Variants in ASIC2 observed in about 807,000 individuals in gnomAD.
ASIC2 encodes the protein acid sensing ion channel subunit 2, also known as acid-sensing ion channel 2.
A neutral mutation model predicts 57.3 loss-of-function variants in ASIC2; 25 were observed. The ratio of observed to expected loss-of-function variants is 0.44; its 90% confidence interval spans 0.32 to 0.61. ASIC2 has a LOEUF of 0.61. Ranked by LOEUF, ASIC2 falls within the 20% of genes least tolerant of loss-of-function variation. The pLI is 0.06. For missense variants in ASIC2, 641 were observed against 738.1 expected (o/e 0.87, Z 1.52); for synonymous variants, 319 against 307.5 (o/e 1.04, Z -0.39).
intron 1 of ASIC2, among the ~76,000 whole-genome samples, chr17:33,269,681 TCCCTCCTG>T (rs1398227292): frequency 3.1e-5 from 2 of 64,752 alleles, no homozygotes; most frequent in African/African-American, 1.0e-4. Flanking sequence ...CTTCCCTCCC[TCCCTCCTG>T]CCTGCCTGCC....
At chr17:33,623,826 G>C (rs190111774) in intron 1 of ASIC2, among the ~76,000 whole-genome samples, 1 of 152,050 alleles carries the variant, frequency 6.6e-6, no homozygotes, top group Non-Finnish European at 1.5e-5. Flanking sequence ...CAATCCTAGA[G>C]AGATAGTCCA....
At chr17:33,152,769 G>C (rs1209185873) in intron 1 of ASIC2, among the ~76,000 whole-genome samples, 2 of 152,186 alleles carry the variant, frequency 1.3e-5, no homozygotes, top group African/African-American at 4.8e-5. Context: ...TTCCTGGTGA[G>C]TTACAATGCA....
chr17:33,311,031 C>T (rs758360571), intron 1 of ASIC2, among the ~76,000 whole-genome samples: 8 of 152,104 alleles, frequency 5.3e-5, no homozygotes, highest in African/African-American at 2.4e-5. Flanking sequence ...CCTCTGGGTT[C>T]AAAAGCCCTG....
rs1478388287 is a variant in ASIC2, at chr17:33,578,731, G to A, written c.556-466664C>T. On this transcript the variant is annotated intron_variant, in intron 1 of 9. Coordinates refer to the ASIC2 transcript ENST00000359872. ...GACCCGGCTTGACCTTGACAGAGGG[G>A]GCACTAATGGCTTTTCAATACAGCC... is the stretch of plus-strand genomic sequence containing the variant. 5.3e-5 allele frequency among the ~76,000 whole-genome samples: 8 copies of A among 152,242 alleles called. No individual in the cohort carries two copies. The South Asian group carries it at 1.7e-3, about 32-fold the overall frequency.
At chr17:33,809,797 A>G (rs1481289029) in intron 1 of ASIC2, among the ~76,000 whole-genome samples, 2 of 152,252 alleles carry the variant, frequency 1.3e-5, no homozygotes, top group African/African-American at 2.4e-5. Context: ...AAGTTGCTAT[A>G]TGTGCTGTCT....
intron 1 of ASIC2, among the ~76,000 whole-genome samples, chr17:34,131,820 C>T (rs754873466): frequency 2.4e-4 from 36 of 152,180 alleles, no homozygotes; most frequent in Non-Finnish European, 4.7e-4. Flanking sequence ...AACAAGAGGC[C>T]CTGAAAGGTC....
chr17:33,923,817 C>A (rs992014054), intron 1 of ASIC2, among the ~76,000 whole-genome samples: 1 of 152,126 alleles, frequency 6.6e-6, no homozygotes, highest in Non-Finnish European at 1.5e-5. Context: ...GGAGGAGGGG[C>A]GTCCTGAGTT....
At position 33,431,463 on chromosome 17, in the gene ASIC2, G is replaced by C. The variant is rs146099884; in HGVS notation, c.556-319396C>G. ...TACTAAAAATACAAAAATTACCCAG[G>C]CATGGTGGCACACACCTGTAATCCC... On this transcript the variant is annotated intron_variant, in intron 1 of 9. Coordinates refer to the ASIC2 transcript ENST00000359872. Among the ~76,000 whole-genome samples, 272 of 144,550 alleles carry C rather than the reference G, an allele frequency of 1.9e-3. 1 individual carries two copies. Among genetic ancestry groups the C allele is most frequent in the African/African-American group, 6.2e-3 (249 of 40,104 alleles). 94.8% of individuals were successfully genotyped at this position (144,550 alleles called of 152,430 possible).
intron 1 of ASIC2, among the ~76,000 whole-genome samples, chr17:33,856,573 C>A (rs1024431477): frequency 6.9e-5 from 1 of 14,398 alleles, no homozygotes; most frequent in Admixed American, 1.1e-3. Context: ...AGTGGTGGTG[C>A]TGTTGGCTGT....
intron 1 of ASIC2, among the ~76,000 whole-genome samples, chr17:33,624,361 T>A (rs1560917): frequency 0.37 from 56,683 of 151,706 alleles, 10,880 homozygotes; most frequent in East Asian, 0.5. Context: ...TGTCGGGAGG[T>A]CACCTGGTGA....
chr17:33,568,960 T>C (rs562676186), intron 1 of ASIC2, among the ~76,000 whole-genome samples: 2 of 152,326 alleles, frequency 1.3e-5, no homozygotes, highest in Admixed American at 1.3e-4. Context: ...GCTCATTTCA[T>C]AGAATTTATT....
At chr17:33,800,295 T>C (rs1912094804) in intron 1 of ASIC2, among the ~76,000 whole-genome samples, 2 of 152,296 alleles carry the variant, frequency 1.3e-5, no homozygotes, top group Middle Eastern at 3.4e-3. Context: ...ACAGGAATTG[T>C]GGGCATCAGA....
intron 1 of ASIC2, among the ~76,000 whole-genome samples, chr17:33,229,361 T>C (rs1908005252): frequency 6.6e-6 from 1 of 152,036 alleles, no homozygotes; most frequent in Non-Finnish European, 1.5e-5. Context: ...TGGGGAAGGG[T>C]CTGAGGACAG....
chr17:33,030,210 C>A (rs760223181), intron 3 of ASIC2, among the ~76,000 whole-genome samples: 13 of 152,120 alleles, frequency 8.5e-5, no homozygotes, highest in Non-Finnish European at 1.3e-4. Flanking sequence ...ACCCTTGTAA[C>A]AACTACCCTA....
intron 1 of ASIC2, among the ~76,000 whole-genome samples, chr17:34,067,001 C>G (rs1043433766): frequency 2.6e-5 from 4 of 152,222 alleles, no homozygotes; most frequent in Non-Finnish European, 4.4e-5. Context: ...TTTAGAACTG[C>G]AAGACGGAAC....
intron 1 of ASIC2, among the ~76,000 whole-genome samples, chr17:33,300,647 C>T (rs1905918676): frequency 6.6e-6 from 1 of 152,200 alleles, no homozygotes. Context: ...CTAATTATAA[C>T]ACACGCAATT....
At chr17:33,114,961 C>T (rs186701925) in intron 1 of ASIC2, among the ~76,000 whole-genome samples, 11 of 152,288 alleles carry the variant, frequency 7.2e-5, no homozygotes, top group Non-Finnish European at 1.5e-4. Context: ...GACTGAGTGT[C>T]TGCTTTGAGC....
intron 1 of ASIC2, among the ~76,000 whole-genome samples, chr17:33,580,597 G>T (rs1306073118): frequency 6.6e-5 from 10 of 152,068 alleles, no homozygotes; most frequent in Admixed American, 5.9e-4. Flanking sequence ...CACCTATCAG[G>T]TTAGCTCAGG....
At chr17:33,146,437 C>T (rs73982435) in intron 1 of ASIC2, among the ~76,000 whole-genome samples, 32,035 of 152,072 alleles carry the variant, frequency 0.21, 3,480 homozygotes, top group Middle Eastern at 0.32. Flanking sequence ...TGGCTGGCTG[C>T]GGACCTATTC....
Sources: allele counts gnomAD v4.1 joint callset (sites outside exome capture counted in the v4.1 genomes callset), GRCh38; gene constraint gnomAD v4.1.1; transcripts MANE v1.5; gene names NCBI Gene and HGNC (gene_info 2026-07-23, HGNC 2026-07-21).